Variants in IFNAR2 observed in about 807,000 individuals in gnomAD.
IFNAR2 encodes interferon alpha and beta receptor subunit 2.
A neutral mutation model predicts 49.4 loss-of-function variants in IFNAR2; 30 were observed. The observed-to-expected ratio is 0.61, with a 90% CI of 0.45 to 0.82. IFNAR2 has a LOEUF of 0.82. IFNAR2 is among the 40% of genes least tolerant of loss of function. The probability of loss-of-function intolerance (pLI) is 0.00; values close to 1 mark genes in which losing one functional copy is unlikely to be tolerated. For synonymous variants in IFNAR2, 224 were observed against 234.5 expected, an observed-to-expected ratio of 0.96 and a Z score of 0.41; for missense variants, 600 against 622.7, an observed-to-expected ratio of 0.96 and a Z score of 0.39.
chr21:33,259,012 T>C (rs1261594508), intron 7 of IFNAR2, among the ~76,000 whole-genome samples: 3 of 152,204 alleles, frequency 2.0e-5, no homozygotes, highest in Non-Finnish European at 4.4e-5. Context: ...AAGAGACTGA[T>C]GTTAGTCATC....
Position 33,264,431 on chromosome 21 carries a change from T to G in IFNAR2, c.*931T>G, listed in dbSNP as rs1393284338. ...CCCAGTTAAAGTGGGGAAGACAGAC[T>G]TTAGGATCACGTGTGTGACTAATAC... On this transcript the variant is annotated 3_prime_UTR_variant, in exon 9 of 9. Coordinates refer to ENST00000342136, the MANE Select transcript of IFNAR2 (RefSeq NM_001289125.3). 1 of 151,968 alleles carries G rather than the reference T, an allele frequency of 6.6e-6. No individual in the cohort carries two copies. The highest frequency in any genetic ancestry group is 2.4e-5 in the African/African-American group (1 of 41,336). The allele number at this position is 151,968 out of a possible 1,614,324, so 9.4% of individuals were successfully genotyped here.
At chr21:33,245,113 A>G (rs768572028) in intron 4 of IFNAR2, 39 bp downstream of exon 4, 3 of 1,486,324 alleles carry the variant, frequency 2.0e-6, no homozygotes, top group African/African-American at 2.8e-5. Flanking sequence ...TAAACATATT[A>G]TTGTTCTGTT....
At chr21:33,243,035 G>A (rs1174131683) in intron 2 of IFNAR2, among the ~76,000 whole-genome samples, 8 of 151,064 alleles carry the variant, frequency 5.3e-5, no homozygotes, top group South Asian at 2.1e-4. Flanking sequence ...GTGATCCACC[G>A]CCTTGGCCTC....
Position 33,252,779 on chromosome 21 carries a change from G to A in IFNAR2, c.658G>A (p.Val220Ile). ...VYLEHSDEQA[V>I]IKSPLKCTLL... ...TTTAGAGCACAGTGATGAGCAAGCA[G>A]TAATAAAGTCTCCCTTAAAATGCAC... Residue 220 changes from valine to isoleucine, a missense_variant, in exon 7 of 9, where the codon GTA becomes ATA. Physicochemically the swap from Val to Ile is conservative, Grantham distance 29. Transcript: ENST00000342136. The A allele has an allele frequency of 6.2e-7, 1 of 1,613,976 alleles. No individual in the cohort carries two copies. Among genetic ancestry groups the A allele is most frequent in the Non-Finnish European group, 8.5e-7 (1 of 1,179,876 alleles).
intron 1 of IFNAR2, among the ~76,000 whole-genome samples, chr21:33,231,281 A>C (rs909128064): frequency 6.6e-6 from 1 of 152,200 alleles, no homozygotes; most frequent in Non-Finnish European, 1.5e-5. Context: ...TATTCGATAA[A>C]CACTCCTAGC....
At chr21:33,233,100 G>T (rs1172453374) in intron 1 of IFNAR2, 1 of 229,164 alleles carries the variant, frequency 4.4e-6, no homozygotes, top group African/African-American at 2.3e-5. Flanking sequence ...TTGTAAACTG[G>T]AGATGAAAAG....
intron 1 of IFNAR2, among the ~76,000 whole-genome samples, chr21:33,238,108 C>T (rs1439337921): frequency 1.3e-5 from 2 of 152,144 alleles, no homozygotes; most frequent in Admixed American, 6.5e-5. Flanking sequence ...TCAAACATCT[C>T]GGCTGACCGA....
chr21:33,239,687 A>G (rs8127500), intron 1 of IFNAR2, among the ~76,000 whole-genome samples: 84,203 of 144,610 alleles, frequency 0.58, 24,031 homozygotes, highest in East Asian at 0.7. Context: ...TATACCCTCC[A>G]TTCTGCAGAC....
At chr21:33,260,819 G>T in intron 8 of IFNAR2, 92 bp downstream of exon 8, 1 of 807,838 alleles carries the variant, frequency 1.2e-6, no homozygotes, top group Non-Finnish European at 1.8e-6. Flanking sequence ...TTTCACAGAA[G>T]AAAATCTCAT....
chr21:33,230,316 T>A lies in IFNAR2; in HGVS notation c.-84+100T>A. 1.0e-6 allele frequency: 1 copy of A among 975,424 alleles called. No individual in the cohort carries two copies. The highest frequency in any genetic ancestry group is 9.5e-5 in the East Asian group (1 of 10,550). 60.4% of individuals were successfully genotyped at this position (975,424 alleles called of 1,614,324 possible). A position where few individuals can be genotyped will look rare whatever the true frequency, so the allele number is the denominator to read the frequency against. On this transcript the variant is annotated intron_variant, in intron 1 of 8. Coordinates refer to ENST00000342136, the MANE Select transcript of IFNAR2 (RefSeq NM_001289125.3). This position sits in a 1 kb window ranked among gnomAD's most constrained non-coding sequence, Gnocchi z 5.5. ...AGCGGTTCCCGGAATCCCCTCCGGT[T>A]CCCTCTCGCTCTCCCCGACTCCTCC...
Position 33,244,984 on chromosome 21 carries a change from C to A in IFNAR2, c.131C>A (p.Ser44Ter). ...YTDESCTFKI[S>*]LRNFRSILSW... ...GATGAATCTTGCACTTTCAAGATAT[C>A]ATTGCGAAATTTCCGGTCCATCTTA... is the stretch of plus-strand genomic sequence containing the variant. Residue 44 changes from serine (S) to a stop codon, truncating the protein, a stop_gained, in exon 4 of 9, where the codon TCA becomes TAA. Coordinates refer to ENST00000342136, the MANE Select transcript of IFNAR2 (RefSeq NM_001289125.3). LOFTEE classifies it high-confidence loss of function. 1 of 1,610,628 alleles carries A rather than the reference C, an allele frequency of 6.2e-7. No homozygotes were observed. The highest frequency in any genetic ancestry group is 8.5e-7 in the Non-Finnish European group (1 of 1,177,008).
chr21:33,251,417 G>A (rs1490452524), intron 6 of IFNAR2: 1 of 258,904 alleles, frequency 3.9e-6, no homozygotes, highest in Non-Finnish European at 6.0e-6. Context: ...GCAAAGAGCT[G>A]GTTGGAGTAG....
intron 2 of IFNAR2, among the ~76,000 whole-genome samples, chr21:33,242,769 G>A (rs1475950485): frequency 0.037 from 525 of 14,182 alleles, 10 homozygotes; most frequent in Non-Finnish European, 0.063. Context: ...GTGTGTGTGT[G>A]TGTGTGTGTG....
rs1461393554 is a variant in IFNAR2 at position 33,244,987 on chromosome 21, T to C, written c.134T>C (p.Leu45Ser). ...GAATCTTGCACTTTCAAGATATCAT[T>C]GCGAAATTTCCGGTCCATCTTATCA... ...TDESCTFKIS[L>S]RNFRSILSWE... The change falls in exon 4 of 9, where the codon TTG becomes TCG. Residue 45 changes from leucine to serine, a missense_variant. Transcript: ENST00000342136. The C allele has an allele frequency of 2.5e-6, 4 of 1,612,792 alleles. No homozygotes were observed. The highest frequency in any genetic ancestry group is 2.5e-6 in the Non-Finnish European group (3 of 1,178,752).
At chr21:33,245,617 G>A (rs1436506395) in intron 4 of IFNAR2, among the ~76,000 whole-genome samples, 1 of 152,214 alleles carries the variant, frequency 6.6e-6, no homozygotes, top group Non-Finnish European at 1.5e-5. Flanking sequence ...CTGCTGAGGG[G>A]TTGCTGCAAG....
chr21:33,238,235 C>T (rs146287060), intron 1 of IFNAR2, among the ~76,000 whole-genome samples: 10 of 152,284 alleles, frequency 6.6e-5, no homozygotes, highest in African/African-American at 2.2e-4. Flanking sequence ...GCAGTCAACT[C>T]GTCTCTTACT....
chr21:33,240,297 A>G (rs961369493), intron 1 of IFNAR2, among the ~76,000 whole-genome samples: 32 of 152,346 alleles, frequency 2.1e-4, no homozygotes, highest in African/African-American at 7.2e-4. Flanking sequence ...CTGTGTTGCA[A>G]CTGCTTACAG....
chr21:33,252,120 A>ATC (rs1239313828), intron 6 of IFNAR2: 1 of 398,418 alleles, frequency 2.5e-6, no homozygotes, highest in Non-Finnish European at 5.1e-6. Context: ...ATCTATCTAT[A>ATC]TCTGTCTATT....
At position 33,262,989 on chromosome 21, in the gene IFNAR2, C is replaced by T; in HGVS notation, c.1037C>T (p.Pro346Leu). The T allele has an allele frequency of 6.2e-7, 1 of 1,614,132 alleles. No individual in the cohort carries two copies. Among genetic ancestry groups the T allele is most frequent in the Non-Finnish European group, 8.5e-7 (1 of 1,180,024 alleles). ...GYTMHGLTVR[P>L]LGQASATSTE... Reference sequence around the variant, plus strand: ...ACCATGCATGGACTGACTGTCAGGCCTCTGGGTCAGGCCTCTGCCACCTCT... The same window carrying T: ...ACCATGCATGGACTGACTGTCAGGCTTCTGGGTCAGGCCTCTGCCACCTCT... Residue 346 changes from proline to leucine, a missense_variant, in exon 9 of 9, where the codon CCT becomes CTT. Pro to Leu is a moderately conservative substitution (Grantham distance 98). Transcript: ENST00000342136.
Sources: allele counts gnomAD v4.1 joint callset (sites outside exome capture counted in the v4.1 genomes callset), GRCh38; gene constraint gnomAD v4.1.1; non-coding constraint Gnocchi (gnomAD v3.1); transcripts MANE v1.5; gene names NCBI Gene and HGNC (gene_info 2026-07-23, HGNC 2026-07-21).